Variants in MET observed in about 807,000 individuals in gnomAD.
MET encodes hepatocyte growth factor receptor.
Under a neutral mutation model 133.1 loss-of-function variants are expected in MET, and 48 were observed. The observed-to-expected ratio is 0.36, with a 90% CI of 0.29 to 0.46. MET has a LOEUF of 0.46. Among genes scored for constraint, MET ranks in the 20% least tolerant of loss-of-function variants. The probability of loss-of-function intolerance (pLI) is 1.00; values close to 1 mark genes in which losing one functional copy is unlikely to be tolerated. For missense variants in MET, 1,442 were observed against 1,695.9 expected (o/e 0.85, Z 2.63); for synonymous variants, 628 against 616.5 (o/e 1.02, Z -0.28).
At chr7:116,700,478 A>G (rs1791538986) in intron 2 of MET, among the ~76,000 whole-genome samples, 194 bp downstream of exon 2, 1 of 87,622 alleles carries the variant, frequency 1.1e-5, no homozygotes, top group Non-Finnish European at 2.6e-5. Flanking sequence ...TAAAATGTAA[A>G]TGGTAACTAA....
chr7:116,716,479 A>G (rs867128229), intron 2 of MET, among the ~76,000 whole-genome samples: 1 of 105,792 alleles, frequency 9.5e-6, no homozygotes, highest in South Asian at 3.1e-4. Context: ...GAAAGAAAGA[A>G]AGAAAGAAAG....
chr7:116,686,146 C>T (rs1252558021), intron 1 of MET, among the ~76,000 whole-genome samples: 1 of 152,102 alleles, frequency 6.6e-6, no homozygotes, highest in East Asian at 1.9e-4. Flanking sequence ...CAACACCCTG[C>T]AATGACTCCC....
chr7:116,760,296 CT>C (rs1253171578), intron 10 of MET, among the ~76,000 whole-genome samples: 2 of 152,004 alleles, frequency 1.3e-5, no homozygotes, highest in African/African-American at 4.8e-5. Context: ...TTTGTTAGCT[CT>C]TTCTTGAAAG....
Position 116,699,854 on chromosome 7 carries a change from AT to A in MET, c.774del (p.Phe258LeufsTer5), listed in dbSNP as rs1281772042. On this transcript the variant is annotated frameshift_variant, in exon 2 of 21. Coordinates refer to ENST00000397752, the MANE Select transcript of MET (RefSeq NM_000245.4). LOFTEE classifies it high-confidence loss of function. ...IKYVHAFESN[N>X]FIYFLTVQRE... ...TATGTCCATGCCTTTGAAAGCAACA[AT>A]TTTATTTACTTCTTGACGGTCCAAA... 3.1e-6 allele frequency: 5 copies of A among 1,613,982 alleles called. No homozygotes were observed. In the Admixed American group the frequency reaches 6.7e-5, roughly 22 times the overall value.
At chr7:116,777,860 T>A (rs1359644270) in intron 16 of MET, among the ~76,000 whole-genome samples, 1 of 152,198 alleles carries the variant, frequency 6.6e-6, no homozygotes, top group Non-Finnish European at 1.5e-5. Context: ...AACCACAACT[T>A]CCATTAAAAA....
chr7:116,790,702 A>G (rs1795461325), intron 19 of MET, among the ~76,000 whole-genome samples: 1 of 152,170 alleles, frequency 6.6e-6, no homozygotes. Context: ...TTTCCACAGC[A>G]GAGTAGTTCA....
At chr7:116,785,374 G>A (rs1266561592) in intron 19 of MET, among the ~76,000 whole-genome samples, 1 of 152,200 alleles carries the variant, frequency 6.6e-6, no homozygotes, top group Non-Finnish European at 1.5e-5. Flanking sequence ...CAAAGCAGGA[G>A]CAGGCATCTT....
At chr7:116,785,890 G>A (rs532890285) in intron 19 of MET, among the ~76,000 whole-genome samples, 1 of 152,214 alleles carries the variant, frequency 6.6e-6, no homozygotes, top group Non-Finnish European at 1.5e-5. Flanking sequence ...AACAAAAATA[G>A]CAAGTTGAGC....
intron 2 of MET, among the ~76,000 whole-genome samples, chr7:116,730,322 A>G (rs563146125): frequency 6.6e-6 from 1 of 152,224 alleles, no homozygotes; most frequent in South Asian, 2.1e-4. Flanking sequence ...AGATCTGGAG[A>G]AGTTGGGCAG....
chr7:116,714,010 T>C (rs1792101744), intron 2 of MET, among the ~76,000 whole-genome samples: 1 of 152,224 alleles, frequency 6.6e-6, no homozygotes, highest in Non-Finnish European at 1.5e-5. Flanking sequence ...AAATTGTTTC[T>C]GTTAACTAAG....
intron 2 of MET, among the ~76,000 whole-genome samples, chr7:116,712,711 C>T (rs1792045822): frequency 6.6e-6 from 1 of 151,724 alleles, no homozygotes; most frequent in African/African-American, 2.4e-5. Flanking sequence ...CCCACACACA[C>T]CCTCCTTCAT....
chr7:116,737,341 C>T (rs1221865571), intron 3 of MET, among the ~76,000 whole-genome samples: 1 of 152,220 alleles, frequency 6.6e-6, no homozygotes, highest in Non-Finnish European at 1.5e-5. Flanking sequence ...ACTTGTGCAG[C>T]AAAAATTACT....
chr7:116,773,224 G>A (rs531291023), intron 14 of MET, among the ~76,000 whole-genome samples: 1 of 152,288 alleles, frequency 6.6e-6, no homozygotes, highest in South Asian at 2.1e-4. Context: ...CATTTAGAGA[G>A]AATGAGAAAA....
At chr7:116,677,159 G>A (rs1185819293) in intron 1 of MET, among the ~76,000 whole-genome samples, 1 of 151,968 alleles carries the variant, frequency 6.6e-6, no homozygotes, top group Non-Finnish European at 1.5e-5. Flanking sequence ...GGATACCCAT[G>A]GCTTTTTTCA....
At chr7:116,672,932 T>C (rs38840) in intron 1 of MET, among the ~76,000 whole-genome samples, 131,177 of 152,092 alleles carry the variant, frequency 0.86, 56,675 homozygotes, top group African/African-American at 0.92. Flanking sequence ...GTGATGCAGC[T>C]GGCAAGGTTT....
At position 116,757,606 on chromosome 7, in the gene MET, G is replaced by C. The variant is rs564891216; in HGVS notation, c.1966-32G>C. On this transcript the variant is annotated intron_variant, in intron 7 of 20. Coordinates refer to ENST00000397752, the MANE Select transcript of MET (RefSeq NM_000245.4). Reference sequence around the variant, plus strand: ...TCTATTTAAATTATAAGATGAACAAGTTACTTTGTTTTGTTTTTATCTCCC... The same window carrying C: ...TCTATTTAAATTATAAGATGAACAACTTACTTTGTTTTGTTTTTATCTCCC... 119 of 1,613,524 alleles carry C rather than the reference G, an allele frequency of 7.4e-5. No individual in the cohort carries two copies. Among genetic ancestry groups the C allele is most frequent in the Non-Finnish European group, 9.7e-5 (115 of 1,179,750 alleles).
In MET at chr7:116,700,023, G is replaced by A. The variant is rs375716972; in HGVS notation, c.939G>A (p.Val313=). 1.6e-5 allele frequency: 26 copies of A among 1,613,928 alleles called. No individual in the cohort carries two copies. Among genetic ancestry groups the A allele is most frequent in the Non-Finnish European group, 1.9e-5 (23 of 1,179,980 alleles). The change falls in exon 2 of 21, where the codon GTG becomes GTA. Residue 313 remains valine, a synonymous_variant. Coordinates refer to ENST00000397752, the MANE Select transcript of MET (RefSeq NM_000245.4). The stretch of plus-strand genomic sequence containing the variant: ...AAAAGAGATCCACAAAGAAGGAAGT[G>A]TTTAATATACTTCAGGCTGCGTATG... ...KRKKRSTKKE[V]FNILQAAYVS...
intron 9 of MET, 138 bp from the exon 10 acceptor site, chr7:116,759,253 T>A: frequency 7.8e-7 from 1 of 1,282,198 alleles, no homozygotes; most frequent in Non-Finnish European, 1.1e-6. Context: ...CAAAGAACAG[T>A]TACCCATGAA....
At chr7:116,765,455 G>A (rs1384923387) in intron 11 of MET, among the ~76,000 whole-genome samples, 1 of 152,040 alleles carries the variant, frequency 6.6e-6, no homozygotes, top group East Asian at 1.9e-4. Flanking sequence ...ATCATTCCCT[G>A]CCCTAGTTGT....
Sources: gnomAD v4.1 joint callset for allele counts (sites outside exome capture counted in the v4.1 genomes callset) on GRCh38, gnomAD v4.1.1 for gene constraint, MANE v1.5 for transcripts, NCBI Gene and HGNC (gene_info 2026-07-23, HGNC 2026-07-21) for gene names.